DMD: variants seen among roughly 807,000 people sequenced by gnomAD.
DMD encodes the protein mutant dystrophin.
In DMD, 63 loss-of-function variants were observed where a neutral mutation model predicts 330.1. The observed-to-expected ratio is 0.19, with a 90% CI of 0.16 to 0.24. The LOEUF (loss-of-function observed/expected upper bound fraction) is 0.24. DMD is among the 10% of genes least tolerant of loss of function. The pLI is 1.00. For synonymous variants in DMD, 1,223 were observed against 959.8 expected (o/e 1.27, Z -5.07); for missense variants, 3,344 against 2,684.1 (o/e 1.25, Z -5.43).
intron 44 of DMD, among the ~76,000 whole-genome samples, chrX:32,172,723 CATATGTT>C (rs1173709341): frequency 8.9e-6 from 1 of 111,898 alleles, no homozygotes; most frequent in Non-Finnish European, 1.9e-5. Context: ...GGCCAGAAAC[CATATGTT>C]ATTCAATTTT....
At chrX:32,436,981 C>T (rs2098263927) in intron 29 of DMD, among the ~76,000 whole-genome samples, 1 of 110,848 alleles carries the variant, frequency 9.0e-6, no homozygotes, top group South Asian at 3.8e-4. Flanking sequence ...AGTCTTTTCA[C>T]AGCTAAGCCA....
chrX:31,693,342 G>T (rs1014947599), intron 52 of DMD, among the ~76,000 whole-genome samples: 4 of 111,482 alleles, frequency 3.6e-5, no homozygotes, highest in African/African-American at 9.8e-5. Context: ...AACGTAGAAG[G>T]CTTTTCTCTA....
At chrX:32,193,975 T>C (rs774430684) in intron 44 of DMD, among the ~76,000 whole-genome samples, 1 of 110,392 alleles carries the variant, frequency 9.1e-6, no homozygotes, top group East Asian at 3.2e-4. Context: ...ACTGCCTTCT[T>C]ACAGAGCTGT....
intron 29 of DMD, among the ~76,000 whole-genome samples, chrX:32,425,820 C>G (rs1398542745): frequency 3.6e-5 from 4 of 111,348 alleles, no homozygotes; most frequent in Non-Finnish European, 7.5e-5. Flanking sequence ...GAATGGAAAG[C>G]CCAGAAATAA....
Position 32,391,995 on chromosome X carries a change from C to G in DMD, c.4234-1814G>C, listed in dbSNP as rs1423332913. On this transcript the variant is annotated intron_variant, in intron 30 of 78. Transcript: ENST00000357033. ...ATGTTATGGGTGATCAGAATACACA[C>G]AATGCTTGTGTTAAGAGAGAATCAT... 6.3e-5 allele frequency among the ~76,000 whole-genome samples: 7 copies of G among 111,899 alleles called. 1 individual carries two copies. The highest frequency in any genetic ancestry group is 5.7e-4 in the Admixed American group (6 of 10,532).
At chrX:31,907,455 A>C (rs962634720) in intron 47 of DMD, among the ~76,000 whole-genome samples, 1 of 111,898 alleles carries the variant, frequency 8.9e-6, no homozygotes, top group African/African-American at 3.2e-5. Context: ...AAAAAACAAG[A>C]AATGGGGAAA....
At chrX:31,324,480 T>C (rs2056636814) in intron 61 of DMD, among the ~76,000 whole-genome samples, 2 of 101,157 alleles carry the variant, frequency 2.0e-5, no homozygotes, top group Admixed American at 2.0e-4. Flanking sequence ...TTTGATCTGA[T>C]GGTTTTTTTT....
intron 74 of DMD, among the ~76,000 whole-genome samples, chrX:31,155,809 C>T (rs1047661491): frequency 9.1e-6 from 1 of 109,866 alleles, no homozygotes; most frequent in Middle Eastern, 4.7e-3. Flanking sequence ...GGGAGACACC[C>T]CCACCATCTT....
At chrX:33,009,782 A>ATG (rs2093606331) in intron 2 of DMD, among the ~76,000 whole-genome samples, 1 of 23,482 alleles carries the variant, frequency 4.3e-5, no homozygotes, top group Non-Finnish European at 9.3e-5. Flanking sequence ...ATACACACAT[A>ATG]TGTGTATATG....
In DMD at chrX:32,456,792, G is replaced by A. The variant is rs928847284; in HGVS notation, c.3433-1960C>T. On this transcript the variant is annotated intron_variant, in intron 25 of 78. Coordinates refer to ENST00000357033, the MANE Select transcript of DMD (RefSeq NM_004006.3). ...CTTGAATAAGTGGAAAGATGGAGGT[G>A]CCATTTGTAATAACAGGCAAATTTC... is the stretch of plus-strand genomic sequence containing the variant. Among the ~76,000 whole-genome samples, 21 of 108,425 alleles carry A rather than the reference G, an allele frequency of 1.9e-4. 2 individuals are homozygous for A. Among genetic ancestry groups the A allele is most frequent in the Admixed American group, 1.9e-3 (19 of 10,008 alleles). The allele number at this position is 108,425 out of a possible 115,157, so 94.2% of individuals were successfully genotyped here.
At chrX:31,953,023 G>C (rs958286368) in intron 45 of DMD, among the ~76,000 whole-genome samples, 4 of 112,037 alleles carry the variant, frequency 3.6e-5, no homozygotes, top group South Asian at 3.7e-4. Flanking sequence ...GCCAGCAGTT[G>C]ATCTTAAATA....
intron 36 of DMD, among the ~76,000 whole-genome samples, chrX:32,363,377 G>T (rs1167222100): frequency 9.0e-6 from 1 of 111,661 alleles, no homozygotes; most frequent in African/African-American, 3.3e-5. Flanking sequence ...AGGTCAGGTA[G>T]CTGAAGAACA....
At chrX:31,710,938 A>C (rs1396920539) in intron 52 of DMD, among the ~76,000 whole-genome samples, 1 of 111,222 alleles carries the variant, frequency 9.0e-6, no homozygotes, top group African/African-American at 3.3e-5. Context: ...GTATATTAAG[A>C]TATTCCAAAT....
At chrX:31,391,318 G>A (rs953861201) in intron 60 of DMD, among the ~76,000 whole-genome samples, 3 of 108,900 alleles carry the variant, frequency 2.8e-5, no homozygotes, top group African/African-American at 1.0e-4. Flanking sequence ...TGTTGGTCAG[G>A]CTGGTCTTGA....
intron 4 of DMD, among the ~76,000 whole-genome samples, chrX:32,833,540 T>A (rs1000280379): frequency 1.8e-5 from 2 of 109,823 alleles, no homozygotes; most frequent in African/African-American, 6.6e-5. Context: ...CAATTTAGTA[T>A]GAAAGATATA....
At chrX:31,621,845 A>G (rs981474510) in intron 55 of DMD, among the ~76,000 whole-genome samples, 1 of 111,934 alleles carries the variant, frequency 8.9e-6, no homozygotes, top group African/African-American at 3.3e-5. Context: ...TACCACACTG[A>G]CTAAGCCTTT....
chrX:31,751,739 CA>C (rs2088594635), intron 51 of DMD, among the ~76,000 whole-genome samples: 1 of 112,043 alleles, frequency 8.9e-6, no homozygotes, highest in Non-Finnish European at 1.9e-5. Flanking sequence ...TAAAATTGTG[CA>C]AAGTTAGTCA....
chrX:32,687,755 A>G (rs1211946854), intron 9 of DMD, among the ~76,000 whole-genome samples: 2 of 110,952 alleles, frequency 1.8e-5, no homozygotes, highest in Non-Finnish European at 3.8e-5. Context: ...TAATAAGAAA[A>G]ACGAATGTTG....
intron 7 of DMD, among the ~76,000 whole-genome samples, chrX:32,788,473 G>C (rs1034632074): frequency 8.9e-6 from 1 of 111,983 alleles, no homozygotes; most frequent in South Asian, 3.7e-4. Flanking sequence ...ATGATACAAA[G>C]ATTCTATGAC....
Sources: allele counts gnomAD v4.1 joint callset (sites outside exome capture counted in the v4.1 genomes callset), GRCh38; gene constraint gnomAD v4.1.1; transcripts MANE v1.5; gene names NCBI Gene and HGNC (gene_info 2026-07-23, HGNC 2026-07-21).